The following DRC11 variants were observed in gnomAD, a reference collection of about 807,000 sequenced individuals.
DRC11 encodes the protein dynein regulatory complex subunit 11.
At chr2:236,393,473 G>T in the DRC11 span, among the ~76,000 whole-genome samples, 1 of 152,098 alleles carries the variant, frequency 6.6e-6, no homozygotes, top group Non-Finnish European at 1.5e-5. This position sits in a 1 kb window ranked among gnomAD's most constrained non-coding sequence, Gnocchi z 4.7. Context: ...ACTCTACATT[G>T]GGAGGAAAGT....
At chr2:236,413,127 T>C in the DRC11 span, among the ~76,000 whole-genome samples, 3 of 152,232 alleles carry the variant, frequency 2.0e-5, no homozygotes, top group Admixed American at 6.5e-5. The surrounding 1 kb of genome is among the most constrained non-coding windows in gnomAD (Gnocchi z 4.0). Flanking sequence ...AGTGCCTCCA[T>C]TGGCCCTTTG....
At chr2:236,364,773 G>A in the DRC11 span, among the ~76,000 whole-genome samples, 1 of 152,138 alleles carries the variant, frequency 6.6e-6, no homozygotes, top group Non-Finnish European at 1.5e-5. Context: ...ATGTTAGTTT[G>A]CGTTCTGTCA....
At chr2:236,395,112 G>A in the DRC11 span, among the ~76,000 whole-genome samples, 1 of 152,332 alleles carries the variant, frequency 6.6e-6, no homozygotes, top group East Asian at 1.9e-4. Context: ...GGTGGCCCAG[G>A]GATTGGGGGC....
At chr2:236,325,527 A>T in the DRC11 span, among the ~76,000 whole-genome samples, 22 of 152,118 alleles carry the variant, frequency 1.4e-4, no homozygotes, top group African/African-American at 5.1e-4. This position sits in a 1 kb window ranked among gnomAD's most constrained non-coding sequence, Gnocchi z 4.4. Flanking sequence ...GAACATCTTC[A>T]ATTTTACTTG....
chr2:236,379,184 G>C, the DRC11 span, among the ~76,000 whole-genome samples: 3 of 152,224 alleles, frequency 2.0e-5, no homozygotes, highest in South Asian at 6.2e-4. Flanking sequence ...AGTTTGGGGA[G>C]AGTAATGCTG....
chr2:236,449,288 T>C, the DRC11 span, among the ~76,000 whole-genome samples: 2 of 152,324 alleles, frequency 1.3e-5, no homozygotes, highest in East Asian at 3.9e-4. This position sits in a 1 kb window ranked among gnomAD's most constrained non-coding sequence, Gnocchi z 5.1. Flanking sequence ...ACACATGGCA[T>C]GACATGTCTT....
the DRC11 span, chr2:236,344,632 CTGTCGAG>C: frequency 6.2e-7 from 1 of 1,613,392 alleles, no homozygotes; most frequent in Non-Finnish European, 8.5e-7. Flanking sequence ...AGGGCTGGAG[CTGTCGAG>C]CCACCTGCAG....
the DRC11 span, among the ~76,000 whole-genome samples, chr2:236,459,616 A>ACGTATATAC: frequency 3.8e-5 from 5 of 130,876 alleles, no homozygotes; most frequent in Non-Finnish European, 8.4e-5. Flanking sequence ...TACGTATATA[A>ACGTATATAC]GTATATACAT....
the DRC11 span, among the ~76,000 whole-genome samples, chr2:236,338,978 G>C: frequency 6.6e-6 from 1 of 152,164 alleles, no homozygotes; most frequent in Non-Finnish European, 1.5e-5. Context: ...CCAGCCCGTG[G>C]GAGTCAGATC....
the DRC11 span, among the ~76,000 whole-genome samples, chr2:236,409,757 G>GC: frequency 6.6e-6 from 1 of 151,784 alleles, no homozygotes; most frequent in Admixed American, 6.6e-5. Flanking sequence ...GTCATAGATA[G>GC]CCCTTATTAT....
the DRC11 span, among the ~76,000 whole-genome samples, chr2:236,450,327 T>C: frequency 7.1e-6 from 1 of 140,132 alleles, no homozygotes; most frequent in East Asian, 2.0e-4. Context: ...TTTTTTTTTT[T>C]TTTTTTTTTT....
the DRC11 span, among the ~76,000 whole-genome samples, chr2:236,415,406 A>G: frequency 7.2e-5 from 11 of 152,326 alleles, no homozygotes; most frequent in Non-Finnish European, 1.2e-4. The surrounding 1 kb of genome is among the most constrained non-coding windows in gnomAD (Gnocchi z 5.7). Flanking sequence ...GCCTTTTGCT[A>G]TAAGTCAAAA....
At chr2:236,459,486 T>C in the DRC11 span, among the ~76,000 whole-genome samples, 3 of 143,186 alleles carry the variant, frequency 2.1e-5, no homozygotes, top group Non-Finnish European at 4.6e-5. Flanking sequence ...TTAAAAAATA[T>C]GTATACGTAT....
chr2:236,376,778 G>A, the DRC11 span, among the ~76,000 whole-genome samples: 4 of 152,184 alleles, frequency 2.6e-5, no homozygotes, highest in Non-Finnish European at 4.4e-5. This position sits in a 1 kb window ranked among gnomAD's most constrained non-coding sequence, Gnocchi z 5.7. Flanking sequence ...TTTTTTACAA[G>A]TGAAATCATT....
At chr2:236,439,639 T>C in the DRC11 span, among the ~76,000 whole-genome samples, 3 of 152,154 alleles carry the variant, frequency 2.0e-5, no homozygotes, top group African/African-American at 7.2e-5. Context: ...GGGAGATAAT[T>C]ACATCATGAT....
the DRC11 span, among the ~76,000 whole-genome samples, chr2:236,393,742 G>T: frequency 2.2e-4 from 34 of 152,280 alleles, no homozygotes; most frequent in African/African-American, 7.2e-4. The surrounding 1 kb of genome is among the most constrained non-coding windows in gnomAD (Gnocchi z 4.7). Context: ...GAGACTCTGA[G>T]GCAAACTCAG....
At chr2:236,478,580 T>C in the DRC11 span, among the ~76,000 whole-genome samples, 1 of 152,148 alleles carries the variant, frequency 6.6e-6, no homozygotes, top group Admixed American at 6.5e-5. This position sits in a 1 kb window ranked among gnomAD's most constrained non-coding sequence, Gnocchi z 5.9. Flanking sequence ...AATTCTCATG[T>C]TTCTTTGTTG....
the DRC11 span, chr2:236,368,260 T>C: frequency 1.9e-6 from 3 of 1,608,934 alleles, no homozygotes; most frequent in Admixed American, 3.4e-5. Context: ...ATGGGTTCTA[T>C]GGACACCTGG....
chr2:236,373,780 T>C, the DRC11 span, among the ~76,000 whole-genome samples: 2 of 152,216 alleles, frequency 1.3e-5, no homozygotes, highest in Non-Finnish European at 2.9e-5. Context: ...AGCTCCCTCC[T>C]CTGTCGTCTT....
Sources: gnomAD v4.1 joint callset for allele counts (sites outside exome capture counted in the v4.1 genomes callset) on GRCh38, gnomAD v4.1.1 for gene constraint, Gnocchi (gnomAD v3.1) non-coding constraint, MANE v1.5 for transcripts, NCBI Gene and HGNC (gene_info 2026-07-23, HGNC 2026-07-21) for gene names.